SMAD9: variants seen among roughly 807,000 people sequenced by gnomAD.
SMAD9 encodes MAD homolog 9.
Under a neutral mutation model 46.1 loss-of-function variants are expected in SMAD9, and 36 were observed. That is an observed-to-expected ratio of 0.78 (90% CI 0.60 to 1.03). SMAD9 has a LOEUF of 1.03. Among genes scored for constraint, SMAD9 ranks in the 50% least tolerant of loss-of-function variants. The probability of loss-of-function intolerance (pLI) is 0.00; values close to 1 mark genes in which losing one functional copy is unlikely to be tolerated. For missense variants in SMAD9, 572 were observed against 599.8 expected, an observed-to-expected ratio of 0.95 and a Z score of 0.48; for synonymous variants, 245 against 237.1, an observed-to-expected ratio of 1.03 and a Z score of -0.31.
At chr13:36,857,798 G>C (rs1555237564) in intron 5 of SMAD9, among the ~76,000 whole-genome samples, 1 of 152,122 alleles carries the variant, frequency 6.6e-6, no homozygotes, top group Non-Finnish European at 1.5e-5. Flanking sequence ...GTCCTGCACA[G>C]AAGATGCAGA....
intron 1 of SMAD9, among the ~76,000 whole-genome samples, chr13:36,903,973 A>T (rs1377138266): frequency 6.6e-6 from 1 of 152,192 alleles, no homozygotes; most frequent in Non-Finnish European, 1.5e-5. Flanking sequence ...AATGTAAAAT[A>T]TTTAAAATAT....
chr13:36,852,549 A>G, intron 6 of SMAD9: 2 of 984,866 alleles, frequency 2.0e-6, no homozygotes, highest in Non-Finnish European at 2.4e-6. Flanking sequence ...AAATTCAACA[A>G]ATATTCATCA....
chr13:36,861,960 C>T (rs1290129720), intron 5 of SMAD9, among the ~76,000 whole-genome samples: 1 of 151,898 alleles, frequency 6.6e-6, no homozygotes, highest in Non-Finnish European at 1.5e-5. Flanking sequence ...CATCCTTGCC[C>T]ATCACCGTCT....
At chr13:36,895,302 T>G (rs932089425) in intron 1 of SMAD9, among the ~76,000 whole-genome samples, 17 of 152,314 alleles carry the variant, frequency 1.1e-4, no homozygotes, top group African/African-American at 3.6e-4. Flanking sequence ...TACTAAAACA[T>G]GAGCTCACTT....
At chr13:36,900,490 A>T (rs1254308479) in intron 1 of SMAD9, among the ~76,000 whole-genome samples, 1 of 152,048 alleles carries the variant, frequency 6.6e-6, no homozygotes, top group Non-Finnish European at 1.5e-5. Flanking sequence ...CATGTTGGTC[A>T]GGCTGGTCTT....
chr13:36,900,338 T>G (rs1290378929), intron 1 of SMAD9, among the ~76,000 whole-genome samples: 1 of 152,152 alleles, frequency 6.6e-6, no homozygotes, highest in Non-Finnish European at 1.5e-5. Context: ...TGGAGTGCCG[T>G]GGCGTGATCT....
chr13:36,919,523 G>A (rs2058724689), intron 1 of SMAD9, among the ~76,000 whole-genome samples: 1 of 152,180 alleles, frequency 6.6e-6, no homozygotes, highest in Non-Finnish European at 1.5e-5. Flanking sequence ...CAGAAGGCAA[G>A]TGAGGCCAAT....
In SMAD9 at chr13:36,898,196, TA is replaced by T. The variant is rs1027072310; in HGVS notation, c.-186-18322del. 1.8e-4 allele frequency among the ~76,000 whole-genome samples: 27 copies of T among 152,130 alleles called. No individual in the cohort carries two copies. The South Asian group carries it at 2.3e-3, about 13-fold the overall frequency. On this transcript the variant is annotated intron_variant, in intron 1 of 6. Transcript: ENST00000379826. The stretch of plus-strand genomic sequence containing the variant: ...TCTTAATAAGGGTGTGGGTTACCCT[TA>T]TTAGGGGTAGGTAACATAGTTGGTC...
chr13:36,920,679 T>C (rs1013203601), upstream of SMAD9: 4 of 152,238 alleles, frequency 2.6e-5, no homozygotes, highest in Admixed American at 2.0e-4. Context: ...ACCAGAAGAG[T>C]TGTCAGCCCA....
At chr13:36,909,459 A>T (rs148478956) in intron 1 of SMAD9, among the ~76,000 whole-genome samples, 1 of 152,314 alleles carries the variant, frequency 6.6e-6, no homozygotes, top group East Asian at 1.9e-4. Context: ...TAGTATTGCA[A>T]CCTACATTCT....
chr13:36,901,951 TTG>T (rs1162044708), intron 1 of SMAD9, among the ~76,000 whole-genome samples: 1 of 152,238 alleles, frequency 6.6e-6, no homozygotes, highest in Non-Finnish European at 1.5e-5. Flanking sequence ...TTTCTGTATG[TTG>T]TCTTTTTATT....
intron 1 of SMAD9, among the ~76,000 whole-genome samples, chr13:36,913,048 C>T (rs1230895609): frequency 6.6e-6 from 1 of 152,166 alleles, no homozygotes; most frequent in Non-Finnish European, 1.5e-5. Flanking sequence ...ACCTACTATA[C>T]TGTAAATGCT....
intron 1 of SMAD9, among the ~76,000 whole-genome samples, chr13:36,887,889 C>G (rs1228093289): frequency 6.6e-6 from 1 of 152,070 alleles, no homozygotes; most frequent in Non-Finnish European, 1.5e-5. Flanking sequence ...GTTAGTGAGA[C>G]AGGCAGCAGG....
intron 1 of SMAD9, among the ~76,000 whole-genome samples, chr13:36,901,379 G>C (rs999408080): frequency 1.3e-4 from 20 of 151,184 alleles, no homozygotes; most frequent in African/African-American, 4.9e-4. Flanking sequence ...CATCTTAGTA[G>C]ATATGTAGTG....
chr13:36,885,517 G>A (rs1034484084), intron 1 of SMAD9, among the ~76,000 whole-genome samples: 2 of 152,198 alleles, frequency 1.3e-5, no homozygotes, highest in Admixed American at 6.6e-5. Flanking sequence ...GCATATACCC[G>A]TTTAGTACCA....
In SMAD9 at chr13:36,872,886, T is replaced by C. The variant is rs1460315508; in HGVS notation, c.442A>G (p.Ser148Gly). Residue 148 changes from serine to glycine, a missense_variant, in exon 3 of 7, where the codon AGT becomes GGT. By Grantham distance (56) the Ser-to-Gly change is moderately conservative (BLOSUM62 0). Transcript: ENST00000379826. ...AGGCTGAGCTGGGGGTTATATTCAC[T>C]GTGTCTTGGCACGAGCACAGGAGGC... Reference protein sequence around the residue: ...VLPPVLVPRHSEYNPQLSLLA... With the variant: ...VLPPVLVPRHGEYNPQLSLLA... 8.1e-6 allele frequency: 13 copies of C among 1,614,016 alleles called. No homozygotes were observed. Among genetic ancestry groups the C allele is most frequent in the South Asian group, 7.7e-5 (7 of 91,080 alleles).
chr13:36,915,518 C>G (rs1409731692), intron 1 of SMAD9, among the ~76,000 whole-genome samples: 2 of 151,530 alleles, frequency 1.3e-5, no homozygotes, highest in Admixed American at 6.6e-5. Flanking sequence ...AGTGAATCAG[C>G]TAATCAGAGT....
chr13:36,865,466 C>G (rs1006729369), intron 5 of SMAD9, 71 bp downstream of exon 5: 1 of 1,265,340 alleles, frequency 7.9e-7, no homozygotes, highest in African/African-American at 1.5e-5. Flanking sequence ...AGGGTGGTCA[C>G]GTGCACTTCT....
intron 5 of SMAD9, among the ~76,000 whole-genome samples, chr13:36,855,806 A>T: frequency 6.6e-6 from 1 of 152,188 alleles, no homozygotes; most frequent in Non-Finnish European, 1.5e-5. Context: ...AACAATTTTG[A>T]GTAGTATGTA....
Sources: allele counts gnomAD v4.1 joint callset (sites outside exome capture counted in the v4.1 genomes callset), GRCh38; gene constraint gnomAD v4.1.1; transcripts MANE v1.5; gene names NCBI Gene and HGNC (gene_info 2026-07-23, HGNC 2026-07-21).